The following MANEA variants were observed in gnomAD, a reference collection of about 807,000 sequenced individuals.
The protein encoded by MANEA is mannosidase endo-alpha, also known as glycoprotein endo-alpha-1,2-mannosidase.
In MANEA, 25 loss-of-function variants were observed where a neutral mutation model predicts 36.8. The observed-to-expected ratio is 0.68, with a 90% CI of 0.50 to 0.95. The LOEUF is 0.95. Ranked by LOEUF, MANEA falls within the 40% of genes least tolerant of loss-of-function variation. MANEA has a pLI of 0.00. For missense variants in MANEA, 565 were observed against 558.8 expected, an observed-to-expected ratio of 1.01 and a Z score of -0.11; for synonymous variants, 198 against 188.5, an observed-to-expected ratio of 1.05 and a Z score of -0.41.
intron 1 of MANEA, among the ~76,000 whole-genome samples, chr6:95,585,277 A>G (rs1323576450): frequency 1.3e-5 from 2 of 152,218 alleles, no homozygotes; most frequent in Non-Finnish European, 1.5e-5. Flanking sequence ...ATTACTGTTT[A>G]TAACCTCTGT....
At chr6:95,593,862 AT>A (rs1451899284) in intron 2 of MANEA, among the ~76,000 whole-genome samples, 2 of 152,088 alleles carry the variant, frequency 1.3e-5, no homozygotes, top group Non-Finnish European at 2.9e-5. Flanking sequence ...CCTGGCCAAC[AT>A]GGTGAAACCC....
At chr6:95,604,942 C>CACTGGATAATATAA in intron 4 of MANEA, 39 bp downstream of exon 4, 1 of 725,218 alleles carries the variant, frequency 1.4e-6, no homozygotes, top group Non-Finnish European at 2.2e-6. Flanking sequence ...GTTATATTAT[C>CACTGGATAATATAA]CAGTGATAAT....
intron 2 of MANEA, among the ~76,000 whole-genome samples, chr6:95,592,366 A>T (rs1220483264): frequency 6.6e-6 from 1 of 152,020 alleles, no homozygotes; most frequent in Non-Finnish European, 1.5e-5. Flanking sequence ...CAGTAATTTT[A>T]TATTCTCTCT....
intron 2 of MANEA, among the ~76,000 whole-genome samples, chr6:95,590,453 C>A (rs1769366880): frequency 6.6e-6 from 1 of 152,112 alleles, no homozygotes; most frequent in Admixed American, 6.6e-5. Flanking sequence ...TAGAATATTT[C>A]CTGAAAGTAT....
chr6:95,596,287 T>C (rs1769481875), intron 2 of MANEA, among the ~76,000 whole-genome samples: 1 of 152,098 alleles, frequency 6.6e-6, no homozygotes, highest in Non-Finnish European at 1.5e-5. Context: ...ATAATAGATT[T>C]GTCAAAACCT....
chr6:95,606,288 C>T lies in MANEA; in HGVS notation c.1272C>T (p.Tyr424=), dbSNP rs558094030. The T allele has an allele frequency of 3.1e-6, 5 of 1,612,844 alleles. No individual in the cohort carries two copies. The South Asian group carries it at 5.5e-5, about 18-fold the overall frequency. ...CCAAAAGAACCAGTAATACAGTGTA[C>T]CTAGATTACCGTCCTCATAAACCAG... is the stretch of plus-strand genomic sequence containing the variant. ...AVPKRTSNTV[Y]LDYRPHKPGL... The change falls in exon 5 of 5, where the codon TAC becomes TAT. Residue 424 remains tyrosine (Y), a synonymous_variant. Transcript: ENST00000358812.
Position 95,607,270 on chromosome 6 carries a change from A to G in MANEA, c.*865A>G, listed in dbSNP as rs1380413733. ...AATTATTATGTAGATATGATGCCCAAATATCATTTTTAGTATATCTTGTCG... is the reference window on the plus strand; with the variant it reads ...AATTATTATGTAGATATGATGCCCAGATATCATTTTTAGTATATCTTGTCG... On this transcript the variant is annotated 3_prime_UTR_variant, in exon 5 of 5. Transcript: ENST00000358812. The G allele has an allele frequency of 6.6e-6, 1 of 152,106 alleles. No individual in the cohort carries two copies. The highest frequency in any genetic ancestry group is 1.5e-5 in the Non-Finnish European group (1 of 67,984). 9.4% of individuals were successfully genotyped at this position (152,106 alleles called of 1,614,324 possible).
At chr6:95,602,396 G>A (rs371272857) in intron 3 of MANEA, among the ~76,000 whole-genome samples, 4 of 152,132 alleles carry the variant, frequency 2.6e-5, no homozygotes, top group African/African-American at 7.2e-5. Flanking sequence ...CCTCAATTTT[G>A]TTGTGGCAGG....
At chr6:95,579,195 A>C (rs1769132902) in intron 1 of MANEA, among the ~76,000 whole-genome samples, 2 of 152,200 alleles carry the variant, frequency 1.3e-5, no homozygotes, top group Admixed American at 1.3e-4. Context: ...CAACATGGTG[A>C]AACCCTGTCT....
At chr6:95,604,997 T>C in intron 4 of MANEA, 94 bp downstream of exon 4, 1 of 437,936 alleles carries the variant, frequency 2.3e-6, no homozygotes, top group Non-Finnish European at 4.0e-6. Flanking sequence ...GAGATTTGAA[T>C]GATTTATGAT....
rs577971588 is a variant in MANEA, at chr6:95,606,299, G to A, written c.1283G>A (p.Arg428His). 23 of 1,612,474 alleles carry A rather than the reference G, an allele frequency of 1.4e-5. No individual in the cohort carries two copies. The highest frequency in any genetic ancestry group is 6.7e-5 in the African/African-American group (5 of 74,964). ...AGTAATACAGTGTACCTAGATTACC[G>A]TCCTCATAAACCAGGTCTTTACCTA... The part of the protein sequence containing the change: ...RTSNTVYLDY[R>H]PHKPGLYLEL... Residue 428 changes from arginine (R) to histidine (H), a missense_variant, in exon 5 of 5, where the codon CGT becomes CAT. Physicochemically the swap from Arg to His is conservative, Grantham distance 29. Coordinates refer to ENST00000358812, the MANE Select transcript of MANEA (RefSeq NM_024641.4).
rs1467105455 is a variant in MANEA at position 95,605,825 on chromosome 6, C to T, written c.809C>T (p.Ser270Phe). Residue 270 changes from serine (S) to phenylalanine (F), a missense_variant, in exon 5 of 5, where the codon TCC becomes TTC. By Grantham distance (155) the Ser-to-Phe change is radical. Coordinates refer to ENST00000358812, the MANE Select transcript of MANEA (RefSeq NM_024641.4). ...CTTCCTATGTTTTATGTCTATGATT[C>T]CTATATTACCAAGCCTGAAAAATGG... ...NALPMFYVYDSYITKPEKWAN... is the reference protein window; with the variant it reads ...NALPMFYVYDFYITKPEKWAN... 6.2e-6 allele frequency: 10 copies of T among 1,613,512 alleles called. No individual in the cohort carries two copies. The South Asian group carries it at 8.8e-5, about 14-fold the overall frequency.
At chr6:95,587,588 A>G (rs1213887748) in intron 2 of MANEA, among the ~76,000 whole-genome samples, 1 of 152,136 alleles carries the variant, frequency 6.6e-6, no homozygotes, top group African/African-American at 2.4e-5. Flanking sequence ...AACTGCACTT[A>G]ACTATATCAA....
chr6:95,588,354 A>G (rs985686201), intron 2 of MANEA: 2 of 152,080 alleles, frequency 1.3e-5, no homozygotes, highest in African/African-American at 2.4e-5. Context: ...TCTATATCAG[A>G]TATGTGCAAG....
chr6:95,604,274 A>C (rs1172715444), intron 3 of MANEA, among the ~76,000 whole-genome samples: 10 of 151,836 alleles, frequency 6.6e-5, no homozygotes, highest in Non-Finnish European at 1.5e-5. Context: ...TTTGCTAATG[A>C]CTTCTATTTA....
intron 1 of MANEA, 79 bp from the exon 2 acceptor site, chr6:95,586,323 G>A (rs1769279854): frequency 1.3e-6 from 1 of 782,510 alleles, no homozygotes; most frequent in Non-Finnish European, 2.1e-6. Flanking sequence ...GAAATTTATG[G>A]ATTTTAGTTT....
intron 3 of MANEA, among the ~76,000 whole-genome samples, chr6:95,601,948 T>C (rs940748892): frequency 2.0e-5 from 3 of 152,132 alleles, no homozygotes; most frequent in Non-Finnish European, 4.4e-5. Flanking sequence ...TTATGCAGAT[T>C]TCAACCATGT....
intron 1 of MANEA, among the ~76,000 whole-genome samples, chr6:95,582,463 G>A (rs962018535): frequency 1.6e-4 from 24 of 152,110 alleles, no homozygotes; most frequent in African/African-American, 2.4e-4. Flanking sequence ...GATTACAGGC[G>A]TGAGCCACCA....
chr6:95,589,439 T>G (rs1769343427), intron 2 of MANEA, among the ~76,000 whole-genome samples: 1 of 152,164 alleles, frequency 6.6e-6, no homozygotes, highest in Admixed American at 6.5e-5. Context: ...AGAGTACAAG[T>G]TGGTTGATTT....
Sources: gnomAD v4.1 joint callset for allele counts (sites outside exome capture counted in the v4.1 genomes callset) on GRCh38, gnomAD v4.1.1 for gene constraint, MANE v1.5 for transcripts, NCBI Gene and HGNC (gene_info 2026-07-23, HGNC 2026-07-21) for gene names.